CTNNA3: variants seen among roughly 807,000 people sequenced by gnomAD.
CTNNA3 encodes the protein catenin alpha 3.
CTNNA3 carries 76 observed loss-of-function variants against 95.7 expected under a neutral mutation model. The observed-to-expected ratio is 0.79, with a 90% CI of 0.66 to 0.96. The LOEUF (loss-of-function observed/expected upper bound fraction) is 0.96. Ranked by LOEUF, CTNNA3 falls within the 40% of genes least tolerant of loss-of-function variation. The pLI, the probability that CTNNA3 is intolerant of heterozygous loss-of-function variation, is 0.00. For synonymous variants in CTNNA3, 431 were observed against 374.4 expected, an observed-to-expected ratio of 1.15 and a Z score of -1.74; for missense variants, 1,191 against 1,089.8, an observed-to-expected ratio of 1.09 and a Z score of -1.31.
At chr10:66,805,505 A>T (rs1316890281) in intron 7 of CTNNA3, among the ~76,000 whole-genome samples, 1 of 148,934 alleles carries the variant, frequency 6.7e-6, no homozygotes, top group Admixed American at 6.7e-5. Context: ...ATATATATTT[A>T]TACATATATA....
intron 10 of CTNNA3, among the ~76,000 whole-genome samples, chr10:66,590,617 T>A (rs901694143): frequency 6.6e-6 from 1 of 152,038 alleles, no homozygotes; most frequent in Non-Finnish European, 1.5e-5. Context: ...TTTGATTCAG[T>A]GAGGGTAATT....
At chr10:66,676,180 AG>A (rs1169550416) in intron 9 of CTNNA3, among the ~76,000 whole-genome samples, 3 of 151,746 alleles carry the variant, frequency 2.0e-5, no homozygotes, top group Admixed American at 6.6e-5. Flanking sequence ...TGGGGGAAAA[AG>A]AAAACGGTGA....
chr10:65,938,279 C>T (rs1003365750), intron 17 of CTNNA3, among the ~76,000 whole-genome samples: 1 of 152,112 alleles, frequency 6.6e-6, no homozygotes, highest in East Asian at 1.9e-4. Flanking sequence ...AAACGTGCTT[C>T]GTAAACCATC....
At chr10:66,492,795 T>A (rs567233328) in intron 11 of CTNNA3, among the ~76,000 whole-genome samples, 36 of 152,290 alleles carry the variant, frequency 2.4e-4, no homozygotes, top group African/African-American at 8.4e-4. Flanking sequence ...ATACCACCAA[T>A]TGGGCTTTGA....
At chr10:66,412,019 A>G (rs2093109341) in intron 11 of CTNNA3, among the ~76,000 whole-genome samples, 2 of 152,156 alleles carry the variant, frequency 1.3e-5, no homozygotes, top group South Asian at 4.1e-4. Context: ...TTGAAAGGGT[A>G]TAACTTTGGG....
At chr10:66,756,201 A>G (rs1209047693) in intron 9 of CTNNA3, among the ~76,000 whole-genome samples, 1 of 152,152 alleles carries the variant, frequency 6.6e-6, no homozygotes, top group Non-Finnish European at 1.5e-5. Flanking sequence ...AAGACATTAG[A>G]GTGAAAAAAG....
intron 13 of CTNNA3, among the ~76,000 whole-genome samples, chr10:66,126,652 A>G (rs1389443417): frequency 1.3e-5 from 2 of 152,174 alleles, no homozygotes; most frequent in Non-Finnish European, 2.9e-5. Flanking sequence ...AGGAAGAACT[A>G]AAAAATTTAA....
rs80049705 is a variant in CTNNA3, at chr10:66,797,422, A to C, written c.1048-21898T>G. ...CAAAAGTAAGAAAAAAAAAAAAAAA[A>C]CCCACATTTAAATACTAACACTATT... On this transcript the variant is annotated intron_variant, in intron 7 of 17. Transcript: ENST00000433211. 8.8e-3 allele frequency among the ~76,000 whole-genome samples: 1,314 copies of C among 148,866 alleles called. 22 individuals carry two copies. Among genetic ancestry groups the C allele is most frequent in the African/African-American group, 0.031 (1,220 of 39,916 alleles).
chr10:67,238,864 C>A (rs1212443932), intron 5 of CTNNA3, among the ~76,000 whole-genome samples: 1 of 151,950 alleles, frequency 6.6e-6, no homozygotes, highest in Non-Finnish European at 1.5e-5. Context: ...TTATTTTATA[C>A]CTCATTATCT....
chr10:66,189,886 T>A (rs2131881703), intron 13 of CTNNA3, among the ~76,000 whole-genome samples: 1 of 152,138 alleles, frequency 6.6e-6, no homozygotes. Flanking sequence ...ATTTTTTATC[T>A]GGTATTGTCT....
intron 17 of CTNNA3, among the ~76,000 whole-genome samples, chr10:65,926,263 T>C (rs150057820): frequency 1.3e-3 from 191 of 151,804 alleles, no homozygotes; most frequent in Non-Finnish European, 2.1e-3. Flanking sequence ...TGGAGCTACT[T>C]AAAATATATA....
chr10:67,072,556 C>T (rs1351771618), intron 7 of CTNNA3, among the ~76,000 whole-genome samples: 2 of 152,154 alleles, frequency 1.3e-5, no homozygotes, highest in Non-Finnish European at 2.9e-5. Flanking sequence ...AGAGGCTGGA[C>T]GTCTCAAGCC....
At chr10:66,746,182 A>G (rs1192758046) in intron 9 of CTNNA3, among the ~76,000 whole-genome samples, 3 of 152,128 alleles carry the variant, frequency 2.0e-5, no homozygotes, top group Non-Finnish European at 2.9e-5. Context: ...TGGTTTTGCC[A>G]TTGGGAGCAA....
intron 3 of CTNNA3, among the ~76,000 whole-genome samples, chr10:67,552,379 G>T (rs910825215): frequency 7.9e-5 from 12 of 151,914 alleles, no homozygotes; most frequent in African/African-American, 2.9e-4. Context: ...CAACTTTTAA[G>T]TTCAGGGGTA....
At position 66,607,633 on chromosome 10, in the gene CTNNA3, G is replaced by A. The variant is rs569404696; in HGVS notation, c.1374+14059C>T. Among the ~76,000 whole-genome samples the A allele has an allele frequency of 5.3e-5, 8 of 152,080 alleles. No homozygotes were observed. The East Asian group carries it at 1.2e-3, about 22-fold the overall frequency. The stretch of plus-strand genomic sequence containing the variant: ...GATGATCAAGGAGGCTTCATGCCTG[G>A]GATGCAAGGTTGATTCAAATCAATA... On this transcript the variant is annotated intron_variant, in intron 10 of 17. Coordinates refer to ENST00000433211, the MANE Select transcript of CTNNA3 (RefSeq NM_013266.4).
chr10:66,101,560 T>C (rs2081631742), intron 14 of CTNNA3, among the ~76,000 whole-genome samples: 1 of 152,208 alleles, frequency 6.6e-6, no homozygotes, highest in South Asian at 2.1e-4. Flanking sequence ...TGTTTTACCA[T>C]ATTTTCTGTA....
At chr10:66,329,062 G>A (rs10997065) in intron 12 of CTNNA3, among the ~76,000 whole-genome samples, 15,939 of 149,972 alleles carry the variant, frequency 0.11, 1,094 homozygotes, top group East Asian at 0.24. Flanking sequence ...GCAATTCTCC[G>A]GCCTCAGCCT....
intron 11 of CTNNA3, among the ~76,000 whole-genome samples, chr10:66,445,817 T>TA (rs1208245471): frequency 6.6e-5 from 10 of 151,850 alleles, no homozygotes; most frequent in South Asian, 4.2e-4. Context: ...AAGAAATAAC[T>TA]AAAATCAGAG....
chr10:67,568,733 A>T (rs780160333), intron 3 of CTNNA3, among the ~76,000 whole-genome samples: 3 of 152,094 alleles, frequency 2.0e-5, no homozygotes, highest in Non-Finnish European at 2.9e-5. Context: ...AACGATTCCT[A>T]AGTAACGGGT....
Sources: allele counts gnomAD v4.1 joint callset (sites outside exome capture counted in the v4.1 genomes callset), GRCh38; gene constraint gnomAD v4.1.1; transcripts MANE v1.5; gene names NCBI Gene and HGNC (gene_info 2026-07-23, HGNC 2026-07-21).